Variants in EHMT2 observed in about 807,000 individuals in gnomAD.
The protein encoded by EHMT2 is euchromatic histone lysine methyltransferase 2, also known as histone-lysine N-methyltransferase EHMT2.
Under a neutral mutation model 143.3 loss-of-function variants are expected in EHMT2, and 59 were observed. The observed-to-expected ratio is 0.41, with a 90% CI of 0.33 to 0.51. The LOEUF (loss-of-function observed/expected upper bound fraction) is 0.51. EHMT2 is among the 20% of genes least tolerant of loss of function. The pLI, the probability that EHMT2 is intolerant of heterozygous loss-of-function variation, is 0.18. For synonymous variants in EHMT2, 604 were observed against 651.5 expected (o/e 0.93, Z 1.11); for missense variants, 1,174 against 1,645.9 (o/e 0.71, Z 4.96).
rs147514637 is a variant in EHMT2 at position 31,880,715 on chromosome 6, G to C, written c.3410C>G (p.Ala1137Gly). Residue 1137 changes from alanine to glycine, a missense_variant, in exon 27 of 28, where the codon GCC becomes GGC. Coordinates refer to ENST00000375537, the Ensembl canonical transcript of EHMT2. This position sits in a 1 kb window ranked among gnomAD's most constrained non-coding sequence, Gnocchi z 6.6. ...CCGGATGTCTCGGGAACTGAAGAAG[G>C]CGATGCGTGGAAATCGCAGGTCTTG... 5.5e-4 allele frequency: 893 copies of C among 1,613,894 alleles called. No homozygotes were observed. The highest frequency in any genetic ancestry group is 4.8e-3 in the Middle Eastern group (29 of 6,062).
chr6:31,885,164 C>A, intron 18 of EHMT2, 148 bp from the exon 19 acceptor site: 1 of 1,101,162 alleles, frequency 9.1e-7, no homozygotes, highest in Non-Finnish European at 1.2e-6. Context: ...CTCTGGGTCG[C>A]AGTTTCTTCA....
Position 31,888,492 on chromosome 6 carries a change from A to T in EHMT2, c.1380T>A (p.Asn460Lys), listed in dbSNP as rs781365534. Residue 460 changes from asparagine (N) to lysine (K), a missense_variant, in exon 12 of 28, where the codon AAT becomes AAA. Transcript: ENST00000375537. The surrounding 1 kb of genome is among the most constrained non-coding windows in gnomAD (Gnocchi z 7.4). ...TGGTCTCCCGCTTGAGGATGGCGGCATTGCAGCCTGACAGCTGTGCGCAGT... is the reference window on the plus strand; with the variant it reads ...TGGTCTCCCGCTTGAGGATGGCGGCTTTGCAGCCTGACAGCTGTGCGCAGT... 3.7e-6 allele frequency: 6 copies of T among 1,612,536 alleles called. No homozygotes were observed. The East Asian group carries it at 1.3e-4, about 36-fold the overall frequency.
chr6:31,883,190 C>A lies in EHMT2; in HGVS notation c.2994+172G>T, dbSNP rs1047218111. Reference sequence around the variant, plus strand: ...TGGTTTGCATAGACCTGGGCACACGCCCATCGCTGTCCCAGCCACATCCCA... The same window carrying A: ...TGGTTTGCATAGACCTGGGCACACGACCATCGCTGTCCCAGCCACATCCCA... On this transcript the variant is annotated intron_variant, in intron 23 of 27. Coordinates refer to ENST00000375537, the Ensembl canonical transcript of EHMT2. The surrounding 1 kb of genome is among the most constrained non-coding windows in gnomAD (Gnocchi z 5.6). The A allele has an allele frequency of 5.0e-5, 43 of 860,258 alleles. No individual in the cohort carries two copies. The highest frequency in any genetic ancestry group is 7.4e-5 in the Non-Finnish European group (40 of 539,462). The allele number at this position is 860,258 out of a possible 1,614,324, so 53.3% of individuals were successfully genotyped here.
rs766267672 is a variant in EHMT2 at position 31,880,855 on chromosome 6, C to A, written c.3277-7G>T. The A allele has an allele frequency of 3.7e-6, 6 of 1,613,326 alleles. No individual in the cohort carries two copies. In the African/African-American group the frequency reaches 8.0e-5, roughly 22 times the overall value. The stretch of plus-strand genomic sequence containing the variant: ...TGCAGTACACCTCTCCATCCTGGGG[C>A]AGGGGGATGGCACTCTTCACATCTC... On this transcript the variant is annotated splice_region_variant and splice_polypyrimidine_tract_variant and intron_variant, in intron 26 of 27. Transcript: ENST00000375537. This position sits in a 1 kb window ranked among gnomAD's most constrained non-coding sequence, Gnocchi z 6.6.
rs1047677659 is a variant in EHMT2 at position 31,883,452 on chromosome 6, G to A, written c.2917-13C>T. The stretch of plus-strand genomic sequence containing the variant: ...CACACGTGCAGTGCTGGGGCGAGGA[G>A]GCAGAGGTCAGCTCAACCCCATGAT... On this transcript the variant is annotated splice_polypyrimidine_tract_variant and intron_variant, in intron 22 of 27. Transcript: ENST00000375537. This position sits in a 1 kb window ranked among gnomAD's most constrained non-coding sequence, Gnocchi z 5.6. The A allele has an allele frequency of 1.2e-6, 2 of 1,610,500 alleles. No homozygotes were observed. Among genetic ancestry groups the A allele is most frequent in the Non-Finnish European group, 1.7e-6 (2 of 1,178,836 alleles).
In EHMT2 at chr6:31,883,129, G is replaced by C; in HGVS notation, c.2995-120C>G. ...GGGTTGGGGAGGTCACACAGGCTCT[G>C]AGATCCGAGAGCACGAAATGCAGGA... On this transcript the variant is annotated intron_variant, in intron 23 of 27. Transcript: ENST00000375537. The surrounding 1 kb of genome is among the most constrained non-coding windows in gnomAD (Gnocchi z 5.6). The C allele has an allele frequency of 3.2e-6, 3 of 943,982 alleles. No individual in the cohort carries two copies. In the South Asian group the frequency reaches 4.3e-5, roughly 14 times the overall value. The allele number at this position is 943,982 out of a possible 1,614,324, so 58.5% of individuals were successfully genotyped here.
At chr6:31,895,314 T>C (rs552629340) in intron 4 of EHMT2, 293 of 152,362 alleles carry the variant, frequency 1.9e-3, no homozygotes, top group African/African-American at 6.6e-3. Flanking sequence ...TAATGTAAAC[T>C]GGTAAACAAT....
At chr6:31,879,964 G>A in exon 28 of EHMT2, 1 of 1,162,540 alleles carries the variant, frequency 8.6e-7, no homozygotes, top group Non-Finnish European at 1.2e-6. Flanking sequence ...AGGAATGTGT[G>A]AAAGGGTGGT....
chr6:31,886,593 G>A (rs572177565), exon 18 of EHMT2: 12 of 1,612,484 alleles, frequency 7.4e-6, no homozygotes, highest in South Asian at 3.3e-5. Context: ...GGGCGTTGAC[G>A]TCCACCTGTC....
chr6:31,879,955 G>A (rs1227849521), exon 28 of EHMT2: 3 of 1,101,486 alleles, frequency 2.7e-6, no homozygotes, highest in Non-Finnish European at 3.9e-6. Flanking sequence ...TCTCTGGTCA[G>A]GAATGTGTGA....
intron 3 of EHMT2, 26 bp downstream of exon 3, chr6:31,896,580 A>T: frequency 1.3e-6 from 2 of 1,586,792 alleles, no homozygotes; most frequent in Non-Finnish European, 8.6e-7. Context: ...TTTCCCACCA[A>T]CCCCCCAGGC....
chr6:31,886,550 C>T (rs1764868530), intron 18 of EHMT2, 31 bp downstream of exon 18: 1 of 1,594,448 alleles, frequency 6.3e-7, no homozygotes. Flanking sequence ...CACCAGGGAC[C>T]CAGAGGGGCT....
At chr6:31,896,117 G>C in intron 4 of EHMT2, 146 bp downstream of exon 4, 1 of 1,198,120 alleles carries the variant, frequency 8.3e-7, no homozygotes, top group East Asian at 2.4e-5. Context: ...TTGGTTCACA[G>C]ATCAAGCACA....
chr6:31,893,725 AT>A (rs1765996086), intron 4 of EHMT2: 1 of 253,594 alleles, frequency 3.9e-6, no homozygotes, highest in South Asian at 5.3e-5. Flanking sequence ...TGAGGACATT[AT>A]GCTAAGTGAA....
At position 31,881,371 on chromosome 6, in the gene EHMT2, G is replaced by A; in HGVS notation, c.3198-279C>T. On this transcript the variant is annotated intron_variant, in intron 25 of 27. Transcript: ENST00000375537. The surrounding 1 kb of genome is among the most constrained non-coding windows in gnomAD (Gnocchi z 4.8). ...GGCCTGGGTGGGGAAGTTCGGGTTTGGACACAGAGAGGTTTGTGTTCCAGG... is the reference window on the plus strand; with the variant it reads ...GGCCTGGGTGGGGAAGTTCGGGTTTAGACACAGAGAGGTTTGTGTTCCAGG... 1.8e-6 allele frequency: 1 copy of A among 553,476 alleles called. No individual in the cohort carries two copies. 34.3% of individuals were successfully genotyped at this position (553,476 alleles called of 1,614,324 possible). A position where few individuals can be genotyped will look rare whatever the true frequency, so the allele number is the denominator to read the frequency against.
In EHMT2 at chr6:31,889,324, G is replaced by A. The variant is rs1373546797; in HGVS notation, c.1018C>T (p.Arg340Cys). 9.9e-6 allele frequency: 16 copies of A among 1,611,860 alleles called. No individual in the cohort carries two copies. The highest frequency in any genetic ancestry group is 2.2e-5 in the South Asian group (2 of 91,084). The change falls in exon 9 of 28, where the codon CGC (arginine) becomes TGC (cysteine). Residue 340 changes from arginine to cysteine, a missense_variant. By Grantham distance (180) the Arg-to-Cys change is radical. Transcript: ENST00000375537. This position sits in a 1 kb window ranked among gnomAD's most constrained non-coding sequence, Gnocchi z 5.1. ...TTTCGCCATTTCTTCTTGGCCTTGC[G>A]CCGGCCACTGGAACCACTCTGGGAA...
chr6:31,892,430 C>T, exon 7 of EHMT2: 1 of 1,613,058 alleles, frequency 6.2e-7, no homozygotes, highest in Non-Finnish European at 8.5e-7. Flanking sequence ...TCCACGCGCT[C>T]ATCCACAGAG....
At position 31,883,545 on chromosome 6, in the gene EHMT2, G is replaced by A. The variant is rs763178086; in HGVS notation, c.2917-106C>T. 15 of 1,227,440 alleles carry A rather than the reference G, an allele frequency of 1.2e-5. No homozygotes were observed. The highest frequency in any genetic ancestry group is 4.5e-5 in the African/African-American group (3 of 66,924). 76.0% of individuals were successfully genotyped at this position (1,227,440 alleles called of 1,614,324 possible). On this transcript the variant is annotated intron_variant, in intron 22 of 27. Transcript: ENST00000375537. This position sits in a 1 kb window ranked among gnomAD's most constrained non-coding sequence, Gnocchi z 5.6. ...CCACTGTCCTTTCTTTGGGGTCCAT[G>A]TGTTACAACAGTGGGTGGTGATGGT...
intron 1 of EHMT2, 26 bp from the exon 2 acceptor site, chr6:31,897,015 G>C (rs749744637): frequency 1.3e-6 from 2 of 1,548,006 alleles, no homozygotes; most frequent in Non-Finnish European, 8.7e-7. Flanking sequence ...AGGGACAGGA[G>C]GGCTGGTCAG....
Sources: allele counts gnomAD v4.1 joint callset, GRCh38; gene constraint gnomAD v4.1.1; non-coding constraint Gnocchi (gnomAD v3.1); transcripts MANE v1.5; gene names NCBI Gene and HGNC (gene_info 2026-07-23, HGNC 2026-07-21).